EFNA5: variants seen among roughly 807,000 people sequenced by gnomAD.
The protein encoded by EFNA5 is ephrin-A5.
EFNA5 carries 5 observed loss-of-function variants against 22.9 expected under a neutral mutation model. That is an observed-to-expected ratio of 0.22 (90% CI 0.11 to 0.46). EFNA5 has a LOEUF of 0.46. Ranked by LOEUF, EFNA5 falls within the 20% of genes least tolerant of loss-of-function variation. EFNA5 has a pLI of 0.99. For synonymous variants in EFNA5, 113 were observed against 112.2 expected (o/e 1.01, Z -0.04); for missense variants, 237 against 293.3 (o/e 0.81, Z 1.40).
chr5:107,569,661 C>T (rs1748753853), intron 1 of EFNA5, among the ~76,000 whole-genome samples: 1 of 142,536 alleles, frequency 7.0e-6, no homozygotes, highest in Non-Finnish European at 1.5e-5. Flanking sequence ...ACCAGCCTGG[C>T]CAACATGGTA....
chr5:107,409,515 T>C (rs138950773), intron 2 of EFNA5, among the ~76,000 whole-genome samples: 2 of 152,238 alleles, frequency 1.3e-5, no homozygotes, highest in East Asian at 3.9e-4. Flanking sequence ...CTTGCAAAAA[T>C]AGGATTCTCA....
At chr5:107,604,818 T>A (rs2112912) in intron 1 of EFNA5, among the ~76,000 whole-genome samples, 1 of 151,728 alleles carries the variant, frequency 6.6e-6, no homozygotes, top group South Asian at 2.1e-4. Flanking sequence ...AAATCACTCA[T>A]CTATTCCCAT....
intron 1 of EFNA5, among the ~76,000 whole-genome samples, chr5:107,534,590 G>T (rs1747892553): frequency 6.6e-6 from 1 of 152,086 alleles, no homozygotes; most frequent in African/African-American, 2.4e-5. Flanking sequence ...TTCTACTAGT[G>T]TCTCTAGCTG....
At chr5:107,487,832 A>G (rs1355474707) in intron 1 of EFNA5, among the ~76,000 whole-genome samples, 1 of 152,232 alleles carries the variant, frequency 6.6e-6, no homozygotes, top group Non-Finnish European at 1.5e-5. Flanking sequence ...CAGTGTTTGT[A>G]TAACAGGTGC....
chr5:107,609,261 T>A (rs912373443), intron 1 of EFNA5, among the ~76,000 whole-genome samples: 1 of 152,206 alleles, frequency 6.6e-6, no homozygotes, highest in Non-Finnish European at 1.5e-5. Context: ...TACCCCAGCA[T>A]CCAATATCAC....
At chr5:107,428,485 T>C (rs1183268942) in intron 1 of EFNA5, among the ~76,000 whole-genome samples, 1 of 152,258 alleles carries the variant, frequency 6.6e-6, no homozygotes, top group Non-Finnish European at 1.5e-5. Flanking sequence ...TTATCTGTTT[T>C]AACTAATGTG....
At chr5:107,431,107 C>T (rs184982534) in intron 1 of EFNA5, among the ~76,000 whole-genome samples, 108 of 152,180 alleles carry the variant, frequency 7.1e-4, no homozygotes, top group African/African-American at 2.4e-3. Context: ...AGCAGCCATA[C>T]GACGAAGAAA....
chr5:107,543,628 C>T (rs1401366609), intron 1 of EFNA5, among the ~76,000 whole-genome samples: 2 of 152,062 alleles, frequency 1.3e-5, no homozygotes, highest in Non-Finnish European at 2.9e-5. Context: ...CTGAAGTTAT[C>T]GTTTGGGAAT....
At chr5:107,474,426 A>G (rs1021799179) in intron 1 of EFNA5, among the ~76,000 whole-genome samples, 8 of 152,062 alleles carry the variant, frequency 5.3e-5, no homozygotes, top group East Asian at 1.9e-4. Flanking sequence ...AACAGCCACA[A>G]TGGAGTTTTC....
intron 1 of EFNA5, among the ~76,000 whole-genome samples, chr5:107,668,336 G>A (rs902969758): frequency 1.1e-4 from 17 of 152,200 alleles, no homozygotes; most frequent in African/African-American, 3.9e-4. Flanking sequence ...AGAGTTTTCT[G>A]CAGGCAGGGC....
chr5:107,540,405 G>GA, intron 1 of EFNA5, among the ~76,000 whole-genome samples: 1 of 152,140 alleles, frequency 6.6e-6, no homozygotes, highest in East Asian at 1.9e-4. Context: ...TTTAAAAAAG[G>GA]AAAAAAGTCT....
At chr5:107,627,039 C>T (rs1750157172) in intron 1 of EFNA5, among the ~76,000 whole-genome samples, 1 of 152,194 alleles carries the variant, frequency 6.6e-6, no homozygotes, top group African/African-American at 2.4e-5. Context: ...TTAACAGGAA[C>T]TGTTCATTAA....
chr5:107,630,137 T>C (rs1750219315), intron 1 of EFNA5, among the ~76,000 whole-genome samples: 1 of 152,152 alleles, frequency 6.6e-6, no homozygotes, highest in Non-Finnish European at 1.5e-5. Flanking sequence ...TGTTAGTGTA[T>C]TTTATGTGTG....
chr5:107,579,082 G>T (rs575435018), intron 1 of EFNA5, among the ~76,000 whole-genome samples: 1 of 152,036 alleles, frequency 6.6e-6, no homozygotes, highest in Non-Finnish European at 1.5e-5. Context: ...CTTGCCCACT[G>T]CATGCCTTGA....
At chr5:107,433,913 A>AT (rs2112428315) in intron 1 of EFNA5, among the ~76,000 whole-genome samples, 1 of 152,164 alleles carries the variant, frequency 6.6e-6, no homozygotes, top group African/African-American at 2.4e-5. Flanking sequence ...AAAAAAAAAA[A>AT]AAAATTGCTC....
chr5:107,415,585 T>TCAC (rs969121981), intron 2 of EFNA5, among the ~76,000 whole-genome samples: 4 of 152,126 alleles, frequency 2.6e-5, no homozygotes, highest in Non-Finnish European at 5.9e-5. Context: ...ACTCCGGTAA[T>TCAC]CACCCTCATG....
Position 107,624,642 on chromosome 5 carries a change from T to C in EFNA5, c.125+45847A>G, listed in dbSNP as rs536185043. ...TGATAGTGAGTATCTGCAGCAGAAATAGTCTTCCTGTATAAAAGTCATGGA... is the reference window on the plus strand; with the variant it reads ...TGATAGTGAGTATCTGCAGCAGAAACAGTCTTCCTGTATAAAAGTCATGGA... On this transcript the variant is annotated intron_variant, in intron 1 of 4. Transcript: ENST00000333274. 2.2e-4 allele frequency among the ~76,000 whole-genome samples: 34 copies of C among 152,226 alleles called. 1 individual carries two copies. Among genetic ancestry groups the C allele is most frequent in the Admixed American group, 1.8e-3 (28 of 15,302 alleles).
intron 1 of EFNA5, among the ~76,000 whole-genome samples, chr5:107,612,474 T>G (rs1749836841): frequency 6.6e-6 from 1 of 151,792 alleles, no homozygotes; most frequent in Non-Finnish European, 1.5e-5. Context: ...ACTGGTCAAG[T>G]AAAAATTCTT....
At chr5:107,590,028 C>T (rs1391841424) in intron 1 of EFNA5, among the ~76,000 whole-genome samples, 3 of 152,188 alleles carry the variant, frequency 2.0e-5, no homozygotes, top group African/African-American at 7.2e-5. Context: ...ACCAGAGATA[C>T]AGCCATTTGT....
Sources: gnomAD v4.1 joint callset for allele counts (sites outside exome capture counted in the v4.1 genomes callset) on GRCh38, gnomAD v4.1.1 for gene constraint, MANE v1.5 for transcripts, NCBI Gene and HGNC (gene_info 2026-07-23, HGNC 2026-07-21) for gene names.